The following SPART variants were observed in gnomAD, a reference collection of about 807,000 sequenced individuals.
SPART encodes spastic paraplegia 20 (Troyer syndrome).
Under a neutral mutation model 58.7 loss-of-function variants are expected in SPART, and 35 were observed. The observed-to-expected ratio is 0.60, with a 90% CI of 0.46 to 0.79. SPART has a LOEUF of 0.79. Among genes scored for constraint, SPART ranks in the 30% least tolerant of loss-of-function variants. SPART has a pLI of 0.00. For missense variants in SPART, 730 were observed against 786.1 expected, an observed-to-expected ratio of 0.93 and a Z score of 0.85; for synonymous variants, 284 against 280.7, an observed-to-expected ratio of 1.01 and a Z score of -0.12.
At chr13:36,340,349 C>A (rs1301304526) in intron 1 of SPART, among the ~76,000 whole-genome samples, 1 of 149,530 alleles carries the variant, frequency 6.7e-6, no homozygotes, top group African/African-American at 2.4e-5. Context: ...GGCGACAGAG[C>A]AAGACTCTGT....
chr13:36,331,781 G>A (rs1249475406), intron 2 of SPART, among the ~76,000 whole-genome samples, 185 bp from the exon 3 acceptor site: 1 of 152,142 alleles, frequency 6.6e-6, no homozygotes, highest in Non-Finnish European at 1.5e-5. Flanking sequence ...TTGCTAGTCT[G>A]ATCTTTCTGC....
At chr13:36,330,939 T>A (rs1883397529) in intron 3 of SPART, among the ~76,000 whole-genome samples, 1 of 152,212 alleles carries the variant, frequency 6.6e-6, no homozygotes, top group Admixed American at 6.5e-5. Context: ...GCTAAAATTA[T>A]CTTCATGTCA....
At chr13:36,312,562 G>T in intron 6 of SPART, 85 bp from the exon 7 acceptor site, 3 of 1,336,184 alleles carry the variant, frequency 2.2e-6, no homozygotes, top group South Asian at 2.4e-5. Flanking sequence ...ATTCTTAAAT[G>T]AACATCTAAA....
At chr13:36,306,446 T>A (rs1400978878) in intron 8 of SPART, among the ~76,000 whole-genome samples, 1 of 152,046 alleles carries the variant, frequency 6.6e-6, no homozygotes, top group Non-Finnish European at 1.5e-5. Context: ...TCCAGAACCA[T>A]GTGAGCTACA....
chr13:36,317,203 T>C (rs1049941184), intron 5 of SPART, among the ~76,000 whole-genome samples: 11 of 152,180 alleles, frequency 7.2e-5, no homozygotes, highest in Admixed American at 7.2e-4. Flanking sequence ...ATGCCTGCCT[T>C]GGTCCTTCAC....
intron 1 of SPART, among the ~76,000 whole-genome samples, chr13:36,358,730 T>G (rs535003704): frequency 2.6e-5 from 4 of 152,222 alleles, no homozygotes; most frequent in Non-Finnish European, 5.9e-5. Flanking sequence ...TAAGCAGTCC[T>G]GGAGACGTGG....
At chr13:36,339,281 G>A (rs1271121882) in intron 1 of SPART, among the ~76,000 whole-genome samples, 1 of 151,990 alleles carries the variant, frequency 6.6e-6, no homozygotes, top group Non-Finnish European at 1.5e-5. Flanking sequence ...TATAGAAAAT[G>A]CCCAGAAAGC....
intron 1 of SPART, chr13:36,365,891 G>A (rs1041140): frequency 1 from 195,562 of 195,622 alleles, 97,751 homozygotes; most frequent in Non-Finnish European, 1. Context: ...TACAGAGCCA[G>A]TCACCAAATC....
chr13:36,310,916 G>A (rs1881022267), intron 8 of SPART, among the ~76,000 whole-genome samples: 1 of 152,048 alleles, frequency 6.6e-6, no homozygotes, highest in African/African-American at 2.4e-5. Context: ...CTTCCTGTTG[G>A]CCCTCATGCA....
At position 36,320,512 on chromosome 13, in the gene SPART, A is replaced by C. The variant is rs565666139; in HGVS notation, c.1288+6063T>G. 1.3e-3 allele frequency among the ~76,000 whole-genome samples: 193 copies of C among 152,306 alleles called. 1 individual carries two copies. The highest frequency in any genetic ancestry group is 4.4e-3 in the African/African-American group (183 of 41,574). Reference sequence around the variant, plus strand: ...TACAAGCCACTAGCCTGCCTCTTAGAACCTCTCATTTCCTTTCCATCGTGG... The same window carrying C: ...TACAAGCCACTAGCCTGCCTCTTAGCACCTCTCATTTCCTTTCCATCGTGG... On this transcript the variant is annotated intron_variant, in intron 5 of 8. Coordinates refer to ENST00000438666, the MANE Select transcript of SPART (RefSeq NM_015087.5).
intron 1 of SPART, among the ~76,000 whole-genome samples, chr13:36,339,149 A>G (rs1297046311): frequency 6.6e-6 from 1 of 152,148 alleles, no homozygotes; most frequent in Non-Finnish European, 1.5e-5. Flanking sequence ...TCGCATCCAT[A>G]AAATAAAAAG....
chr13:36,315,247 TGG>T (rs1219640312), intron 5 of SPART, among the ~76,000 whole-genome samples: 1 of 152,096 alleles, frequency 6.6e-6, no homozygotes, highest in Non-Finnish European at 1.5e-5. Context: ...AGTGGAAATG[TGG>T]GGAAAGGAGT....
chr13:36,348,161 C>T (rs1400895786), upstream of SPART, among the ~76,000 whole-genome samples: 1 of 152,124 alleles, frequency 6.6e-6, no homozygotes, highest in Admixed American at 6.5e-5. Context: ...TGGTACACAT[C>T]TGTAGTCCCA....
intron 1 of SPART, among the ~76,000 whole-genome samples, chr13:36,368,930 C>T (rs904402715): frequency 3.9e-5 from 6 of 152,082 alleles, no homozygotes; most frequent in South Asian, 2.1e-4. Context: ...ATCCAGGAGG[C>T]GGAGGTTTCA....
chr13:36,345,717 T>C (rs916785505), intron 1 of SPART: 10 of 152,118 alleles, frequency 6.6e-5, no homozygotes, highest in Non-Finnish European at 1.5e-4. Flanking sequence ...AAAGAATGTA[T>C]TGTAAAGAGT....
At position 36,327,895 on chromosome 13, in the gene SPART, G is replaced by A. The variant is rs150699793; in HGVS notation, c.1165-1197C>T. 2.7e-3 allele frequency among the ~76,000 whole-genome samples: 405 copies of A among 152,268 alleles called. 3 individuals are homozygous for A. The highest frequency in any genetic ancestry group is 9.2e-3 in the African/African-American group (382 of 41,548). ...TGTAATCCCAGCTGCTCGGGAGGTT[G>A]AGACACGAGAATTGCTTGAACCCGG... On this transcript the variant is annotated intron_variant, in intron 4 of 8. Transcript: ENST00000438666.
chr13:36,363,766 T>TTTTG (rs1885955666), intron 1 of SPART, among the ~76,000 whole-genome samples: 1 of 151,880 alleles, frequency 6.6e-6, no homozygotes, highest in Non-Finnish European at 1.5e-5. Context: ...GTTGGTTTTT[T>TTTTG]TTGTTGTTGT....
chr13:36,324,067 A>T (rs2137440847), intron 5 of SPART, among the ~76,000 whole-genome samples: 1 of 152,316 alleles, frequency 6.6e-6, no homozygotes, highest in African/African-American at 2.4e-5. Flanking sequence ...ATTTAGTGGC[A>T]GCTGATGAAA....
In SPART at chr13:36,304,443, T is replaced by C. The variant is rs140350379; in HGVS notation, c.1923A>G (p.Gly641=). ...CCCCTCTCACGTTGACATTTGCTGCTCCTTCTTGATTTTCCCTCTGAGAAT... is the reference window on the plus strand; with the variant it reads ...CCCCTCTCACGTTGACATTTGCTGCCCCTTCTTGATTTTCCCTCTGAGAAT... ...VDNSQRENQE[G]AANVNVRGEK... Residue 641 remains glycine, a synonymous_variant, in exon 9 of 9, where the codon GGA becomes GGG. Coordinates refer to ENST00000438666, the MANE Select transcript of SPART (RefSeq NM_015087.5). 18 of 1,614,010 alleles carry C rather than the reference T, an allele frequency of 1.1e-5. No individual in the cohort carries two copies. In the African/African-American group the frequency reaches 2.3e-4, roughly 20 times the overall value.
Sources: allele counts gnomAD v4.1 joint callset (sites outside exome capture counted in the v4.1 genomes callset), GRCh38; gene constraint gnomAD v4.1.1; transcripts MANE v1.5; gene names NCBI Gene and HGNC (gene_info 2026-07-23, HGNC 2026-07-21).